The following INPP4B variants were observed in gnomAD, a reference collection of about 807,000 sequenced individuals.
The protein encoded by INPP4B is inositol polyphosphate 4-phosphatase type II.
In INPP4B, 55 loss-of-function variants were observed where a neutral mutation model predicts 122.5. The observed-to-expected ratio is 0.45, with a 90% CI of 0.36 to 0.56. The LOEUF (loss-of-function observed/expected upper bound fraction) is 0.56. Ranked by LOEUF, INPP4B falls within the 20% of genes least tolerant of loss-of-function variation. INPP4B has a pLI of 0.00. For synonymous variants in INPP4B, 403 were observed against 388.7 expected (o/e 1.04, Z -0.43); for missense variants, 1,000 against 1,097.7 (o/e 0.91, Z 1.26).
chr4:142,459,289 G>GAAA (rs201442354), intron 3 of INPP4B, among the ~76,000 whole-genome samples: 1 of 97,082 alleles, frequency 1.0e-5, no homozygotes, highest in Admixed American at 9.3e-5. Flanking sequence ...ACAAACAAAT[G>GAAA]AAAAAAAAAA....
chr4:142,063,561 C>A (rs1363919917), intron 25 of INPP4B, among the ~76,000 whole-genome samples: 1 of 152,022 alleles, frequency 6.6e-6, no homozygotes, highest in African/African-American at 2.4e-5. Flanking sequence ...CATGCTAATA[C>A]CATTTTAACA....
chr4:142,612,031 T>C (rs1394970138), intron 2 of INPP4B, among the ~76,000 whole-genome samples: 1 of 152,204 alleles, frequency 6.6e-6, no homozygotes, highest in Non-Finnish European at 1.5e-5. Flanking sequence ...CAGGTTTACA[T>C]GCATTATTTT....
chr4:142,443,458 GA>G (rs1033831821), intron 3 of INPP4B, among the ~76,000 whole-genome samples: 1 of 152,114 alleles, frequency 6.6e-6, no homozygotes, highest in African/African-American at 2.4e-5. Context: ...ATTAGAAAGG[GA>G]GGAGCAGTAA....
intron 14 of INPP4B, among the ~76,000 whole-genome samples, chr4:142,201,530 A>C (rs1382238623): frequency 1.3e-5 from 2 of 152,080 alleles, no homozygotes; most frequent in East Asian, 3.9e-4. Flanking sequence ...TAACTACTAC[A>C]AAATAGATTG....
At chr4:142,132,587 C>G (rs1801870701) in intron 18 of INPP4B, among the ~76,000 whole-genome samples, 1 of 151,658 alleles carries the variant, frequency 6.6e-6, no homozygotes, top group Admixed American at 6.6e-5. Context: ...TCTTTATGCT[C>G]TTCCTTCTGT....
intron 17 of INPP4B, among the ~76,000 whole-genome samples, chr4:142,147,007 C>T (rs1047285985): frequency 2.0e-5 from 3 of 152,132 alleles, no homozygotes; most frequent in African/African-American, 4.8e-5. Flanking sequence ...TCACAATAGA[C>T]GACTGCCATT....
At chr4:142,177,786 A>G (rs9308148) in intron 15 of INPP4B, among the ~76,000 whole-genome samples, 15,162 of 152,166 alleles carry the variant, frequency 0.1, 1,109 homozygotes, top group African/African-American at 0.2. Context: ...TATAAAGCAC[A>G]TAATGAAGTA....
intron 11 of INPP4B, among the ~76,000 whole-genome samples, chr4:142,246,105 C>T (rs1316451756): frequency 3.4e-5 from 5 of 146,830 alleles, no homozygotes; most frequent in Non-Finnish European, 7.5e-5. Context: ...TGTGTATACA[C>T]ACATATATAT....
chr4:142,479,399 G>A (rs1820211606), intron 2 of INPP4B, among the ~76,000 whole-genome samples: 1 of 152,136 alleles, frequency 6.6e-6, no homozygotes, highest in African/African-American at 2.4e-5. Context: ...GGAAAGTAGT[G>A]TGGTGATTCT....
chr4:142,028,142 GT>G lies in INPP4B; in HGVS notation c.*639del. On this transcript the variant is annotated 3_prime_UTR_variant, in exon 26 of 26. Transcript: ENST00000262992. ...GTCAGAGTTCTGAAAAGATGCCATG[GT>G]TTTGAAAGGTCTGTTGACCACTTTA... 1 of 229,390 alleles carries G rather than the reference GT, an allele frequency of 4.4e-6. No individual in the cohort carries two copies. The allele number at this position is 229,390 out of a possible 1,614,324, so 14.2% of individuals were successfully genotyped here. A position where few individuals can be genotyped will look rare whatever the true frequency, so the allele number is the denominator to read the frequency against.
At chr4:142,769,936 T>C (rs1283022452) in intron 1 of INPP4B, among the ~76,000 whole-genome samples, 1 of 151,918 alleles carries the variant, frequency 6.6e-6, no homozygotes, top group Non-Finnish European at 1.5e-5. Context: ...AATAAAATCA[T>C]AAAAGTAAAA....
chr4:142,284,592 A>G (rs1468413408), intron 9 of INPP4B, among the ~76,000 whole-genome samples: 1 of 152,158 alleles, frequency 6.6e-6, no homozygotes, highest in African/African-American at 2.4e-5. Flanking sequence ...TGAAACAGAA[A>G]CTATAAATCA....
intron 3 of INPP4B, among the ~76,000 whole-genome samples, chr4:142,437,596 G>T (rs1312970812): frequency 6.6e-6 from 1 of 152,080 alleles, no homozygotes. Flanking sequence ...GAGACTGGGG[G>T]CCAATATTCA....
chr4:142,148,718 A>T (rs1427647344), intron 17 of INPP4B, among the ~76,000 whole-genome samples: 1 of 152,172 alleles, frequency 6.6e-6, no homozygotes, highest in Non-Finnish European at 1.5e-5. Context: ...GCTCATAGAA[A>T]AGTCACCTTT....
At chr4:142,110,453 T>A (rs1288965885) in intron 22 of INPP4B, among the ~76,000 whole-genome samples, 3 of 152,172 alleles carry the variant, frequency 2.0e-5, no homozygotes, top group African/African-American at 7.2e-5. Flanking sequence ...ATACAACATC[T>A]ACATTTTGAA....
chr4:142,215,128 G>A (rs1846562019), intron 12 of INPP4B, among the ~76,000 whole-genome samples: 1 of 152,148 alleles, frequency 6.6e-6, no homozygotes. Context: ...TTGGAAGGAA[G>A]CTCAGAGAAT....
chr4:142,056,338 T>C (rs1022312630), intron 25 of INPP4B, among the ~76,000 whole-genome samples: 3 of 152,116 alleles, frequency 2.0e-5, no homozygotes, highest in African/African-American at 7.2e-5. Flanking sequence ...AGGCTTGAAC[T>C]CTCTAAACAT....
chr4:142,658,125 A>C (rs535137886), intron 2 of INPP4B, among the ~76,000 whole-genome samples: 73 of 152,366 alleles, frequency 4.8e-4, no homozygotes, highest in Non-Finnish European at 8.7e-4. Flanking sequence ...GTAAACCATG[A>C]AGATAACCAA....
intron 2 of INPP4B, among the ~76,000 whole-genome samples, chr4:142,494,314 T>C (rs919922187): frequency 1.3e-5 from 2 of 152,234 alleles, no homozygotes; most frequent in African/African-American, 4.8e-5. Flanking sequence ...TGTGCTGTTC[T>C]TGCCATATGT....
Sources: gnomAD v4.1 joint callset for allele counts (sites outside exome capture counted in the v4.1 genomes callset) on GRCh38, gnomAD v4.1.1 for gene constraint, MANE v1.5 for transcripts, NCBI Gene and HGNC (gene_info 2026-07-23, HGNC 2026-07-21) for gene names.